Variants in TNFSF4 observed in about 807,000 individuals in gnomAD.
The protein encoded by TNFSF4 is TNF superfamily member 4.
A neutral mutation model predicts 7.3 loss-of-function variants in TNFSF4; 4 were observed. The observed-to-expected ratio is 0.55, with a 90% CI of 0.27 to 1.25. The LOEUF is 1.25. Ranked by LOEUF, TNFSF4 falls within the 50% of genes most tolerant of loss-of-function variation. The pLI is 0.12. For missense variants in TNFSF4, 181 were observed against 208.8 expected (o/e 0.87, Z 0.82); for synonymous variants, 76 against 83.7 (o/e 0.91, Z 0.50).
the TNFSF4 span, among the ~76,000 whole-genome samples, chr1:173,355,085 G>A: frequency 2.0e-5 from 3 of 152,252 alleles, no homozygotes; most frequent in African/African-American, 7.2e-5. Context: ...GCTTCTAGCA[G>A]CCACCCACAT....
the TNFSF4 span, among the ~76,000 whole-genome samples, chr1:173,348,700 A>G: frequency 6.6e-6 from 1 of 152,210 alleles, no homozygotes; most frequent in Non-Finnish European, 1.5e-5. Context: ...ACAAATTATT[A>G]GTATCATGCA....
At chr1:173,298,107 C>T in the TNFSF4 span, among the ~76,000 whole-genome samples, 1 of 151,738 alleles carries the variant, frequency 6.6e-6, no homozygotes, top group African/African-American at 2.4e-5. Flanking sequence ...AAAAATGAGA[C>T]CAAAGCAACC....
upstream of TNFSF4, among the ~76,000 whole-genome samples, chr1:173,208,289 A>C (rs755013982): frequency 6.6e-6 from 1 of 152,206 alleles, no homozygotes; most frequent in Non-Finnish European, 1.5e-5. Context: ...GATGCTGGGG[A>C]AAAGCTGTTT....
intron 1 of TNFSF4, among the ~76,000 whole-genome samples, chr1:173,203,532 C>A (rs549507567): frequency 3.3e-5 from 5 of 152,124 alleles, no homozygotes; most frequent in Non-Finnish European, 7.4e-5. Context: ...TTTTTTCAGG[C>A]AAACTCCTCT....
At chr1:173,265,601 A>G in the TNFSF4 span, among the ~76,000 whole-genome samples, 1 of 152,132 alleles carries the variant, frequency 6.6e-6, no homozygotes, top group Non-Finnish European at 1.5e-5. Flanking sequence ...CCCTTCAGCA[A>G]TCATTTCCAT....
At chr1:173,246,264 C>A in the TNFSF4 span, among the ~76,000 whole-genome samples, 2 of 151,950 alleles carry the variant, frequency 1.3e-5, no homozygotes, top group African/African-American at 4.8e-5. Context: ...GGTTTTAAGC[C>A]CCATATGCAT....
At chr1:173,254,984 T>A in the TNFSF4 span, among the ~76,000 whole-genome samples, 1 of 152,198 alleles carries the variant, frequency 6.6e-6, no homozygotes, top group Admixed American at 6.5e-5. Context: ...CCTTAGAAGT[T>A]TTTTTAAAAA....
At chr1:173,219,437 C>A in the TNFSF4 span, among the ~76,000 whole-genome samples, 2 of 152,088 alleles carry the variant, frequency 1.3e-5, no homozygotes, top group Non-Finnish European at 2.9e-5. Context: ...AAAGGGGACA[C>A]TTTTACACTG....
At chr1:173,217,461 A>T in the TNFSF4 span, among the ~76,000 whole-genome samples, 2 of 152,312 alleles carry the variant, frequency 1.3e-5, no homozygotes, top group Non-Finnish European at 2.9e-5. Context: ...GTCATCCACA[A>T]ATGATAGATA....
the TNFSF4 span, among the ~76,000 whole-genome samples, chr1:173,364,684 T>C: frequency 6.6e-6 from 1 of 152,078 alleles, no homozygotes; most frequent in Non-Finnish European, 1.5e-5. Context: ...TATATCACTT[T>C]AAAGTGTAAG....
chr1:173,240,653 C>A, the TNFSF4 span, among the ~76,000 whole-genome samples: 12 of 152,076 alleles, frequency 7.9e-5, no homozygotes, highest in Admixed American at 5.9e-4. Context: ...TGGCTGAATA[C>A]CCTCATAAAC....
the TNFSF4 span, among the ~76,000 whole-genome samples, chr1:173,225,413 C>A: frequency 6.6e-6 from 1 of 152,186 alleles, no homozygotes; most frequent in South Asian, 2.1e-4. Context: ...TTCTTCTCCT[C>A]ATTTTGGGAC....
At chr1:173,427,152 T>C in the TNFSF4 span, among the ~76,000 whole-genome samples, 1 of 152,212 alleles carries the variant, frequency 6.6e-6, no homozygotes, top group Non-Finnish European at 1.5e-5. Context: ...ACAATAATCA[T>C]AGTGAATGGC....
chr1:173,301,426 T>A, the TNFSF4 span, among the ~76,000 whole-genome samples: 1 of 151,880 alleles, frequency 6.6e-6, no homozygotes, highest in African/African-American at 2.4e-5. Flanking sequence ...ATTCTTTGGG[T>A]TGTTGTGAAG....
the TNFSF4 span, among the ~76,000 whole-genome samples, chr1:173,324,583 G>T: frequency 2.6e-5 from 4 of 152,162 alleles, no homozygotes; most frequent in African/African-American, 9.7e-5. Flanking sequence ...TGAATAAAGA[G>T]TCAAGACCCA....
At chr1:173,398,210 TCCACAAGATATC>T in the TNFSF4 span, among the ~76,000 whole-genome samples, 2 of 151,400 alleles carry the variant, frequency 1.3e-5, no homozygotes, top group African/African-American at 4.9e-5. Flanking sequence ...CACCTTCCCT[TCCACAAGATATC>T]TCACTGATCC....
downstream of TNFSF4, among the ~76,000 whole-genome samples, chr1:173,180,402 A>C (rs1349232237): frequency 6.6e-6 from 1 of 152,304 alleles, no homozygotes; most frequent in East Asian, 1.9e-4. Context: ...CAATACATAC[A>C]GTAGAAATTC....
downstream of TNFSF4, among the ~76,000 whole-genome samples, chr1:173,182,044 C>T (rs1441619908): frequency 1.3e-5 from 2 of 152,158 alleles, no homozygotes; most frequent in African/African-American, 4.8e-5. Context: ...GTGCTCCTAA[C>T]ATTCCATTTG....
chr1:173,328,410 C>G, the TNFSF4 span, among the ~76,000 whole-genome samples: 17 of 151,342 alleles, frequency 1.1e-4, no homozygotes, highest in African/African-American at 1.5e-4. Flanking sequence ...TGCTAAATGA[C>G]GAGTTAATGG....
Sources: gnomAD v4.1 joint callset for allele counts (sites outside exome capture counted in the v4.1 genomes callset) on GRCh38, gnomAD v4.1.1 for gene constraint, MANE v1.5 for transcripts, NCBI Gene and HGNC (gene_info 2026-07-23, HGNC 2026-07-21) for gene names.